Variants in RGS18 observed in about 807,000 individuals in gnomAD.
The protein encoded by RGS18 is regulator of G protein signaling 18.
In RGS18, 22 loss-of-function variants were observed where a neutral mutation model predicts 27.6. The observed-to-expected ratio is 0.80, with a 90% CI of 0.57 to 1.14. The LOEUF is 1.14. Among genes scored for constraint, RGS18 ranks in the 50% most tolerant of loss-of-function variants. RGS18 has a pLI of 0.00. For synonymous variants in RGS18, 89 were observed against 84.6 expected (o/e 1.05, Z -0.29); for missense variants, 299 against 269.6 (o/e 1.11, Z -0.76).
rs756775100 is a variant in RGS18, at chr1:192,159,302, C to A, written c.202C>A (p.His68Asn). The A allele has an allele frequency of 6.2e-7, 1 of 1,611,340 alleles. No homozygotes were observed. Among genetic ancestry groups the A allele is most frequent in the South Asian group, 1.1e-5 (1 of 90,996 alleles). ...AGACACCCGCTCCAGTAGATCTGGG[C>A]ACTTGGCCAAAGAAACAAGGTGAAT... The part of the protein sequence containing the change: ...HEDTRSSRSG[H>N]LAKETRVSPE... Residue 68 changes from histidine (H) to asparagine (N), a missense_variant, in exon 2 of 5, where the codon CAC (histidine) becomes AAC (asparagine). Transcript: ENST00000367460.
At chr1:192,158,839 C>A in intron 1 of RGS18, 83 bp downstream of exon 1, 1 of 945,098 alleles carries the variant, frequency 1.1e-6, no homozygotes, top group Non-Finnish European at 1.6e-6. Context: ...TGTTTTTGAA[C>A]TATTGGGTGG....
At chr1:192,164,751 C>A (rs1012919362) in intron 3 of RGS18, among the ~76,000 whole-genome samples, 2 of 152,152 alleles carry the variant, frequency 1.3e-5, no homozygotes, top group African/African-American at 4.8e-5. Context: ...GTGAAGATTT[C>A]ATGGACATTT....
At chr1:192,163,535 T>C (rs1395929688) in intron 3 of RGS18, 1 of 152,124 alleles carries the variant, frequency 6.6e-6, no homozygotes, top group African/African-American at 2.4e-5. Flanking sequence ...CTCTCTTTTC[T>C]CTACTGGTAA....
chr1:192,182,950 C>T lies in RGS18; in HGVS notation c.451-1347C>T, dbSNP rs1313885892. Reference sequence around the variant, plus strand: ...CAATAGAGAGATGAGGTAAATCTAACTAGGCAAGTTTTCAAGTGGAAAACA... The same window carrying T: ...CAATAGAGAGATGAGGTAAATCTAATTAGGCAAGTTTTCAAGTGGAAAACA... On this transcript the variant is annotated intron_variant, in intron 4 of 4. Coordinates refer to ENST00000367460, the MANE Select transcript of RGS18 (RefSeq NM_130782.3). 2.6e-5 allele frequency among the ~76,000 whole-genome samples: 4 copies of T among 151,550 alleles called. No homozygotes were observed. The East Asian group carries it at 7.8e-4, about 30-fold the overall frequency.
intron 3 of RGS18, among the ~76,000 whole-genome samples, chr1:192,177,383 T>C (rs765421244): frequency 6.6e-6 from 1 of 151,636 alleles, no homozygotes; most frequent in African/African-American, 2.4e-5. Context: ...GTTTTTTTAA[T>C]ATAATTCTGT....
intron 1 of RGS18, 34 bp from the exon 2 acceptor site, chr1:192,159,186 A>AAAT: frequency 6.8e-7 from 1 of 1,481,446 alleles, no homozygotes; most frequent in Non-Finnish European, 9.4e-7. Flanking sequence ...ACTGTCATCT[A>AAAT]AATTGTCCTG....
chr1:192,172,514 A>G (rs540877257), intron 3 of RGS18, among the ~76,000 whole-genome samples: 1 of 152,020 alleles, frequency 6.6e-6, no homozygotes, highest in South Asian at 2.1e-4. Context: ...TTCTGTATAA[A>G]CTACCCAGCC....
chr1:192,166,177 T>G (rs914658919), intron 3 of RGS18, among the ~76,000 whole-genome samples: 1 of 152,160 alleles, frequency 6.6e-6, no homozygotes, highest in African/African-American at 2.4e-5. Flanking sequence ...TAGGCACGTT[T>G]GAAAGGAAAA....
At chr1:192,164,588 A>T (rs1656131389) in intron 3 of RGS18, among the ~76,000 whole-genome samples, 1 of 152,216 alleles carries the variant, frequency 6.6e-6, no homozygotes, top group Non-Finnish European at 1.5e-5. Flanking sequence ...AATGTCCCAT[A>T]CCAACATAAG....
At position 192,159,242 on chromosome 1, in the gene RGS18, C is replaced by G. The variant is rs1656027949; in HGVS notation, c.142C>G (p.Leu48Val). 1.2e-6 allele frequency: 2 copies of G among 1,613,002 alleles called. No homozygotes were observed. The highest frequency in any genetic ancestry group is 2.7e-5 in the African/African-American group (2 of 74,898). The part of the protein sequence containing the change: ...KIRAKEKRNR[L>V]SLLVQKPEFH... ...CAGAGCTAAGGAAAAAAGAAATAGA[C>G]TAAGTCTTCTTGTGCAGAAACCTGA... is the stretch of plus-strand genomic sequence containing the variant. The change falls in exon 2 of 5, where the codon CTA becomes GTA. Residue 48 changes from leucine to valine, a missense_variant. Physicochemically the swap from Leu to Val is conservative, Grantham distance 32. Coordinates refer to ENST00000367460, the MANE Select transcript of RGS18 (RefSeq NM_130782.3).
chr1:192,158,945 TA>T (rs540842759), intron 1 of RGS18, among the ~76,000 whole-genome samples, 189 bp downstream of exon 1: 5 of 150,842 alleles, frequency 3.3e-5, no homozygotes, highest in South Asian at 4.2e-4. Flanking sequence ...GTGTTCTCAT[TA>T]AAAAAAAAGT....
rs67421126 is a variant in RGS18, at chr1:192,163,869, ATTT to A, written c.283+3440_283+3442del. ...AGTGTGTGTGTGAATATATATATAT[ATTT>A]TTTTTTTTTCTTTTTTTTAAAGAGA... On this transcript the variant is annotated intron_variant, in intron 3 of 4. Transcript: ENST00000367460. 1.7e-3 allele frequency among the ~76,000 whole-genome samples: 234 copies of A among 137,450 alleles called. 3 individuals are homozygous for A. The highest frequency in any genetic ancestry group is 5.1e-3 in the African/African-American group (191 of 37,430). The allele number at this position is 137,450 out of a possible 152,430, so 90.2% of individuals were successfully genotyped here. A position where few individuals can be genotyped will look rare whatever the true frequency, so the allele number is the denominator to read the frequency against.
intron 3 of RGS18, among the ~76,000 whole-genome samples, chr1:192,178,435 G>A (rs560329780): frequency 6.6e-6 from 1 of 151,612 alleles, no homozygotes; most frequent in South Asian, 2.1e-4. Flanking sequence ...TGAGTTTAAG[G>A]GAAAGATGAA....
chr1:192,181,512 A>G, intron 4 of RGS18, 54 bp downstream of exon 4: 3 of 1,198,748 alleles, frequency 2.5e-6, no homozygotes, highest in Non-Finnish European at 3.4e-6. Flanking sequence ...TTTTTTAATA[A>G]TTTTATTTTT....
At chr1:192,169,821 T>C (rs1032425348) in intron 3 of RGS18, 2 of 152,172 alleles carry the variant, frequency 1.3e-5, no homozygotes, top group African/African-American at 2.4e-5. Flanking sequence ...ATTTTAGAAT[T>C]CTATTAAAAA....
chr1:192,164,921 G>C (rs767366881), intron 3 of RGS18, among the ~76,000 whole-genome samples: 1 of 152,094 alleles, frequency 6.6e-6, no homozygotes, highest in Non-Finnish European at 1.5e-5. Context: ...GTGTTTGAAC[G>C]ATATGAAATC....
At chr1:192,158,867 T>C (rs911680315) in intron 1 of RGS18, 111 bp downstream of exon 1, 9 of 775,952 alleles carry the variant, frequency 1.2e-5, no homozygotes, top group African/African-American at 3.6e-5. Flanking sequence ...ATTGTTTGTA[T>C]TGCTATAATT....
At chr1:192,165,047 A>C (rs1656139450) in intron 3 of RGS18, among the ~76,000 whole-genome samples, 1 of 152,156 alleles carries the variant, frequency 6.6e-6, no homozygotes, top group Admixed American at 6.5e-5. Context: ...TATTGCCGAA[A>C]ATGGGTAAGA....
chr1:192,159,103 A>T (rs529014505), intron 1 of RGS18, 117 bp from the exon 2 acceptor site: 1 of 647,704 alleles, frequency 1.5e-6, no homozygotes, highest in South Asian at 1.9e-5. Flanking sequence ...GGGATTCATG[A>T]GTGTGTGGGT....
Sources: gnomAD v4.1 joint callset for allele counts (sites outside exome capture counted in the v4.1 genomes callset) on GRCh38, gnomAD v4.1.1 for gene constraint, MANE v1.5 for transcripts, NCBI Gene and HGNC (gene_info 2026-07-23, HGNC 2026-07-21) for gene names.